The following CEP83 variants were observed in gnomAD, a reference collection of about 807,000 sequenced individuals.
The protein encoded by CEP83 is centrosomal protein 83.
CEP83 carries 70 observed loss-of-function variants against 101.9 expected under a neutral mutation model. The ratio of observed to expected loss-of-function variants is 0.69; its 90% confidence interval spans 0.57 to 0.84. The LOEUF is 0.84. CEP83 is among the 40% of genes least tolerant of loss of function. The pLI is 0.00. For synonymous variants in CEP83, 264 were observed against 267.9 expected (o/e 0.99, Z 0.14); for missense variants, 715 against 787.2 (o/e 0.91, Z 1.10).
chr12:94,290,594 G>C, the CEP83 span, among the ~76,000 whole-genome samples: 6 of 152,224 alleles, frequency 3.9e-5, no homozygotes, highest in Admixed American at 3.9e-4. Flanking sequence ...TGGCTGGACA[G>C]CTGTGTTTGA....
At chr12:94,358,374 A>C (rs2060580153) in intron 11 of CEP83, among the ~76,000 whole-genome samples, 1 of 152,218 alleles carries the variant, frequency 6.6e-6, no homozygotes, top group African/African-American at 2.4e-5. Flanking sequence ...GGTTTGAAAG[A>C]ACCACTTCAA....
Position 94,310,042 on chromosome 12 carries a change from T to A in CEP83, c.1877A>T (p.His626Leu). Reference sequence around the variant, plus strand: ...CAAAATTAGACTTCGAAATTCATTATGTCTTCTCTGTATATCTTTTAGTCT... The same window carrying A: ...CAAAATTAGACTTCGAAATTCATTAAGTCTTCTCTGTATATCTTTTAGTCT... The part of the protein sequence containing the change: ...QKRLKDIQRR[H>L]NEFRSLILVP... Residue 626 changes from histidine (H) to leucine (L), a missense_variant, in exon 16 of 17, where the codon CAT becomes CTT. By Grantham distance (99) the His-to-Leu change is moderately conservative. Transcript: ENST00000397809. 6.2e-7 allele frequency: 1 copy of A among 1,606,692 alleles called. No individual in the cohort carries two copies. The highest frequency in any genetic ancestry group is 1.1e-5 in the South Asian group (1 of 90,902).
the CEP83 span, chr12:94,298,693 G>T: frequency 6.2e-7 from 1 of 1,612,578 alleles, no homozygotes; most frequent in South Asian, 1.1e-5. Context: ...CCCAACAGCA[G>T]AGCTCCATTT....
intron 8 of CEP83, among the ~76,000 whole-genome samples, chr12:94,372,906 C>CA (rs2061367370): frequency 4.6e-5 from 7 of 152,156 alleles, no homozygotes; most frequent in Admixed American, 4.6e-4. Context: ...ATCACTGATG[C>CA]ATCACTTATA....
rs756689255 is a variant in CEP83 at position 94,310,095 on chromosome 12, A to G, written c.1824T>C (p.Pro608=). 6.4e-7 allele frequency: 1 copy of G among 1,551,638 alleles called. No individual in the cohort carries two copies. The highest frequency in any genetic ancestry group is 8.8e-7 in the Non-Finnish European group (1 of 1,133,096). Residue 608 remains proline (P), a synonymous_variant, in exon 16 of 17, where the codon CCT becomes CCC. Coordinates refer to ENST00000397809, the MANE Select transcript of CEP83 (RefSeq NM_016122.3). ...TTTGAAGCCTTGTATAGTCTTCAAA[A>G]GGAACATTTTGTCTTAAAAAGAAAA... ...ENQVLNRQNV[P]FEDYTRLQKR...
rs114865907 is a variant in CEP83 at position 94,429,520 on chromosome 12, C to T, written c.-102+5755G>A. ...ACCTTGTGCTTGGGCTTAACAGCAC[C>T]TGTCTCTTCACATCCCTGGAGTCCC... On this transcript the variant is annotated intron_variant, in intron 2 of 16. Transcript: ENST00000397809. 1.3e-3 allele frequency among the ~76,000 whole-genome samples: 198 copies of T among 152,280 alleles called. 1 individual carries two copies. Among genetic ancestry groups the T allele is most frequent in the African/African-American group, 4.6e-3 (190 of 41,536 alleles).
chr12:94,455,015 G>A (rs2067558704), intron 1 of CEP83, among the ~76,000 whole-genome samples: 1 of 151,766 alleles, frequency 6.6e-6, no homozygotes, highest in Non-Finnish European at 1.5e-5. Flanking sequence ...CTGAACATCT[G>A]AAGGAACAAA....
At chr12:94,298,811 A>G in the CEP83 span, 51 of 1,601,420 alleles carry the variant, frequency 3.2e-5, no homozygotes, top group African/African-American at 6.3e-4. Context: ...AATGTAGGTG[A>G]TTAGTGACTG....
chr12:94,315,775 G>A (rs1970587490), intron 14 of CEP83, among the ~76,000 whole-genome samples: 1 of 151,408 alleles, frequency 6.6e-6, no homozygotes. Flanking sequence ...TTAATCTATT[G>A]ACTCACTACT....
intron 4 of CEP83, among the ~76,000 whole-genome samples, chr12:94,404,445 T>C (rs940647948): frequency 6.6e-6 from 1 of 152,162 alleles, no homozygotes; most frequent in African/African-American, 2.4e-5. Context: ...GAAAAGTGAT[T>C]CTCAAAGGTG....
chr12:94,455,818 G>C (rs559705566), intron 1 of CEP83, among the ~76,000 whole-genome samples: 1 of 152,112 alleles, frequency 6.6e-6, no homozygotes, highest in Non-Finnish European at 1.5e-5. Flanking sequence ...GCCAAGGTGG[G>C]TGAATCACTT....
chr12:94,315,592 T>C (rs1045606890), intron 14 of CEP83, among the ~76,000 whole-genome samples: 6 of 152,148 alleles, frequency 3.9e-5, no homozygotes, highest in Admixed American at 2.6e-4. Flanking sequence ...TAAAATCAAT[T>C]ACATCAATCA....
Position 94,412,524 on chromosome 12 carries a change from G to A in CEP83, c.-34C>T. 1 of 1,598,672 alleles carries A rather than the reference G, an allele frequency of 6.3e-7. No individual in the cohort carries two copies. Among genetic ancestry groups the A allele is most frequent in the Non-Finnish European group, 8.5e-7 (1 of 1,171,144 alleles). ...AAGTTTTGGCTTTCTTACTGTTTTA[G>A]TTTTCTTTCCAAGGGTATTTCCCAC... On this transcript the variant is annotated 5_prime_UTR_variant, in exon 3 of 17. Transcript: ENST00000397809.
At chr12:94,279,720 G>A in the CEP83 span, 48 of 1,314,862 alleles carry the variant, frequency 3.7e-5, no homozygotes, top group South Asian at 4.8e-4. Flanking sequence ...CTCCCTCCCT[G>A]TCCCCCCTCC....
chr12:94,316,449 T>C (rs902615267), intron 14 of CEP83, among the ~76,000 whole-genome samples: 2 of 112,846 alleles, frequency 1.8e-5, no homozygotes, highest in Non-Finnish European at 3.9e-5. Context: ...CATTTCTTTA[T>C]TCTTAAAACT....
chr12:94,392,629 T>A (rs2062623059), intron 6 of CEP83, among the ~76,000 whole-genome samples: 1 of 151,830 alleles, frequency 6.6e-6, no homozygotes, highest in South Asian at 2.1e-4. Context: ...AGGCAAGAAA[T>A]AACTAAGATC....
At chr12:94,359,565 T>C (rs1179490440) in intron 11 of CEP83, among the ~76,000 whole-genome samples, 1 of 151,636 alleles carries the variant, frequency 6.6e-6, no homozygotes, top group Admixed American at 6.6e-5. Context: ...ACAAAACCTA[T>C]CAAGACTGAA....
At chr12:94,283,244 T>C in the CEP83 span, among the ~76,000 whole-genome samples, 1 of 151,902 alleles carries the variant, frequency 6.6e-6, no homozygotes, top group Non-Finnish European at 1.5e-5. Flanking sequence ...CTGGAGGAGG[T>C]TATGACTGAA....
chr12:94,398,632 T>TA (rs2063052802), intron 6 of CEP83, among the ~76,000 whole-genome samples: 1 of 152,022 alleles, frequency 6.6e-6, no homozygotes, highest in Admixed American at 6.6e-5. Context: ...AAGAATAGAA[T>TA]AACAGCGATT....
Sources: gnomAD v4.1 joint callset for allele counts (sites outside exome capture counted in the v4.1 genomes callset) on GRCh38, gnomAD v4.1.1 for gene constraint, MANE v1.5 for transcripts, NCBI Gene and HGNC (gene_info 2026-07-23, HGNC 2026-07-21) for gene names.